EARS2: variants seen among roughly 807,000 people sequenced by gnomAD.
The protein encoded by EARS2 is nondiscriminating glutamyl-tRNA synthetase EARS2, mitochondrial.
A neutral mutation model predicts 54.1 loss-of-function variants in EARS2; 50 were observed. The observed-to-expected ratio is 0.92, with a 90% CI of 0.74 to 1.17. The LOEUF (loss-of-function observed/expected upper bound fraction) is 1.17. Ranked by LOEUF, EARS2 falls within the 50% of genes most tolerant of loss-of-function variation. The probability of loss-of-function intolerance (pLI) is 0.00; values close to 1 mark genes in which losing one functional copy is unlikely to be tolerated. For missense variants in EARS2, 673 were observed against 675.0 expected, an observed-to-expected ratio of 1.00 and a Z score of 0.03; for synonymous variants, 298 against 281.0, an observed-to-expected ratio of 1.06 and a Z score of -0.61.
Position 23,544,679 on chromosome 16 carries a change from CG to C in EARS2, c.319del (p.Arg107AlafsTer26). 6.2e-7 allele frequency: 1 copy of C among 1,605,892 alleles called. No homozygotes were observed. The highest frequency in any genetic ancestry group is 2.2e-5 in the East Asian group (1 of 44,678). ...GTAGGGCCCAGCAGGACCGCCCCGG[CG>C]GGGGCTCTCATCAGGCGGGATGCCT... ...WAGIPPDESP[R>X]RGGPAGPYQQ... On this transcript the variant is annotated frameshift_variant, in exon 3 of 9. Coordinates refer to ENST00000449606, the MANE Select transcript of EARS2 (RefSeq NM_001083614.2). LOFTEE classifies it high-confidence loss of function.
intron 7 of EARS2, among the ~76,000 whole-genome samples, chr16:23,526,352 T>G (rs1294237884): frequency 2.6e-5 from 4 of 152,214 alleles, no homozygotes; most frequent in Admixed American, 6.5e-5. Flanking sequence ...CCTCAGGTGA[T>G]CCACTCACCT....
At chr16:23,557,096 C>G in intron 1 of EARS2, 109 bp downstream of exon 1, 1 of 1,443,450 alleles carries the variant, frequency 6.9e-7, no homozygotes, top group East Asian at 2.4e-5. Flanking sequence ...CTTAACCCTC[C>G]TCCGCCCGCC....
chr16:23,549,330 C>T (rs1428332640), intron 2 of EARS2, among the ~76,000 whole-genome samples: 3 of 152,164 alleles, frequency 2.0e-5, no homozygotes, highest in Non-Finnish European at 4.4e-5. Flanking sequence ...AGAAGCCACT[C>T]GTGGCACACC....
At chr16:23,556,774 TCTC>T in intron 1 of EARS2, 1 of 402,180 alleles carries the variant, frequency 2.5e-6, no homozygotes. Flanking sequence ...TAATCCCCAG[TCTC>T]CTATCCTGTT....
At chr16:23,546,223 G>C (rs1965600846) in intron 2 of EARS2, among the ~76,000 whole-genome samples, 1 of 152,156 alleles carries the variant, frequency 6.6e-6, no homozygotes, top group African/African-American at 2.4e-5. Context: ...ATTTCATTAT[G>C]AATGCTTTCA....
At chr16:23,553,961 G>A (rs1965736640) in intron 1 of EARS2, among the ~76,000 whole-genome samples, 1 of 150,872 alleles carries the variant, frequency 6.6e-6, no homozygotes, top group Admixed American at 6.6e-5. Context: ...TGTCCACGTC[G>A]TACATTTTAA....
chr16:23,544,945 G>A (rs557105469), intron 2 of EARS2: 52 of 392,684 alleles, frequency 1.3e-4, no homozygotes, highest in Admixed American at 1.7e-4. Context: ...AAGTTCAAGC[G>A]GTTCTCCTGC....
At position 23,522,935 on chromosome 16, in the gene EARS2, T is replaced by G. The variant is rs1965163488; in HGVS notation, c.*1436A>C. On this transcript the variant is annotated 3_prime_UTR_variant, in exon 9 of 9. Transcript: ENST00000449606. Reference sequence around the variant, plus strand: ...CTATTGGTGGGAGGCCTCGATCCCTTGTCATGTGGAGCACTCCATAAGGCT... The same window carrying G: ...CTATTGGTGGGAGGCCTCGATCCCTGGTCATGTGGAGCACTCCATAAGGCT... 6.6e-6 allele frequency: 1 copy of G among 152,190 alleles called. No individual in the cohort carries two copies. Among genetic ancestry groups the G allele is most frequent in the Non-Finnish European group, 1.5e-5 (1 of 68,040 alleles). The allele number at this position is 152,190 out of a possible 1,614,324, so 9.4% of individuals were successfully genotyped here.
intron 3 of EARS2, chr16:23,537,598 G>T (rs2142175305): frequency 6.6e-6 from 1 of 152,206 alleles, no homozygotes; most frequent in East Asian, 1.9e-4. Context: ...AGGGGACAAG[G>T]TCTCACTCTC....
chr16:23,557,178 C>G (rs1237107081), intron 1 of EARS2, 27 bp downstream of exon 1: 2 of 1,505,146 alleles, frequency 1.3e-6, no homozygotes, highest in South Asian at 1.3e-5. Flanking sequence ...GGGCCTCGGC[C>G]TGTAGCGTCA....
intron 7 of EARS2, among the ~76,000 whole-genome samples, chr16:23,527,522 G>A (rs900896131): frequency 2.7e-5 from 4 of 148,634 alleles, no homozygotes; most frequent in Admixed American, 6.7e-5. Context: ...AAGCAGATGA[G>A]TTTCAATTTC....
rs925981438 is a variant in EARS2, at chr16:23,522,016, T to C, written c.*2355A>G. On this transcript the variant is annotated 3_prime_UTR_variant, in exon 9 of 9. Transcript: ENST00000449606. ...GAAAAAAAAAATACTGCTTCTCTCATAGTGTTATAAAAAAAATTTACTGAG... is the reference window on the plus strand; with the variant it reads ...GAAAAAAAAAATACTGCTTCTCTCACAGTGTTATAAAAAAAATTTACTGAG... 30 of 340,672 alleles carry C rather than the reference T, an allele frequency of 8.8e-5. No homozygotes were observed. Among genetic ancestry groups the C allele is most frequent in the African/African-American group, 6.2e-4 (29 of 46,732 alleles). The allele number at this position is 340,672 out of a possible 1,614,324, so 21.1% of individuals were successfully genotyped here.
At chr16:23,538,178 G>GT (rs1260312261) in intron 3 of EARS2, among the ~76,000 whole-genome samples, 2 of 150,484 alleles carry the variant, frequency 1.3e-5, no homozygotes, top group East Asian at 2.0e-4. Flanking sequence ...GGGTTTTTTT[G>GT]TTTTTTGTTT....
At chr16:23,525,196 A>T in intron 8 of EARS2, 48 bp downstream of exon 8, 1 of 1,614,034 alleles carries the variant, frequency 6.2e-7, no homozygotes, top group Non-Finnish European at 8.5e-7. Flanking sequence ...AGTTCAAAGG[A>T]TCAATGAGGG....
intron 8 of EARS2, 23 bp downstream of exon 8, chr16:23,525,221 T>A (rs1189636400): frequency 6.8e-6 from 11 of 1,613,912 alleles, no homozygotes; most frequent in Non-Finnish European, 9.3e-6. Flanking sequence ...CAGGGAACAA[T>A]CCAACCCGTG....
At chr16:23,533,373 C>T (rs1965358481) in intron 4 of EARS2, among the ~76,000 whole-genome samples, 2 of 152,168 alleles carry the variant, frequency 1.3e-5, no homozygotes, top group Non-Finnish European at 2.9e-5. Context: ...AACTCCCAGG[C>T]TTAAATGATC....
chr16:23,531,284 G>A (rs990321853), intron 5 of EARS2, among the ~76,000 whole-genome samples: 9 of 150,856 alleles, frequency 6.0e-5, no homozygotes, highest in South Asian at 4.2e-4. Flanking sequence ...TTTTTGAGAC[G>A]GAGTCTTGTT....
In EARS2 at chr16:23,529,817, G is replaced by T. The variant is rs1388897716; in HGVS notation, c.1148C>A (p.Ala383Asp). The change falls in exon 6 of 9, where the codon GCC (alanine) becomes GAC (aspartate). Residue 383 changes from alanine (A) to aspartate (D), a missense_variant. By Grantham distance (126) the Ala-to-Asp change is moderately radical. Coordinates refer to ENST00000449606, the MANE Select transcript of EARS2 (RefSeq NM_001083614.2). ...CCTGTTTTGCAGCTGGCAACCAAAGGCCTCCTCCACAAGGACCTGCAGCTT... is the reference window on the plus strand; with the variant it reads ...CCTGTTTTGCAGCTGGCAACCAAAGTCCTCCTCCACAAGGACCTGCAGCTT... Reference protein sequence around the residue: ...VGKLQVLVEEAFGCQLQNRDV... With the variant: ...VGKLQVLVEEDFGCQLQNRDV... 1 of 1,614,074 alleles carries T rather than the reference G, an allele frequency of 6.2e-7. No homozygotes were observed. The highest frequency in any genetic ancestry group is 1.7e-5 in the Admixed American group (1 of 60,006).
At position 23,537,817 on chromosome 16, in the gene EARS2, G is replaced by A. The variant is rs1410022341; in HGVS notation, c.486-2457C>T. On this transcript the variant is annotated intron_variant, in intron 3 of 8. Coordinates refer to ENST00000449606, the MANE Select transcript of EARS2 (RefSeq NM_001083614.2). Reference sequence around the variant, plus strand: ...TTCTTTTTTTTTTTTTTTGAGTCAGGGTCTCACTCTGTCACCCAGGCTGGA... The same window carrying A: ...TTCTTTTTTTTTTTTTTTGAGTCAGAGTCTCACTCTGTCACCCAGGCTGGA... Among the ~76,000 whole-genome samples, 4 of 145,086 alleles carry A rather than the reference G, an allele frequency of 2.8e-5. No individual in the cohort carries two copies. In the East Asian group the frequency reaches 7.9e-4, roughly 29 times the overall value.
Sources: allele counts gnomAD v4.1 joint callset (sites outside exome capture counted in the v4.1 genomes callset), GRCh38; gene constraint gnomAD v4.1.1; transcripts MANE v1.5; gene names NCBI Gene and HGNC (gene_info 2026-07-23, HGNC 2026-07-21).